The following SHANK2 variants were observed in gnomAD, a reference collection of about 807,000 sequenced individuals.
SHANK2 encodes the protein SH3 and multiple ankyrin repeat domains 2.
SHANK2 carries 43 observed loss-of-function variants against 133.7 expected under a neutral mutation model. The observed-to-expected ratio is 0.32, with a 90% CI of 0.25 to 0.41. The LOEUF is 0.41. Ranked by LOEUF, SHANK2 falls within the 10% of genes least tolerant of loss-of-function variation. The pLI is 1.00. For missense variants in SHANK2, 1,994 were observed against 2,235.8 expected (o/e 0.89, Z 2.18); for synonymous variants, 1,017 against 952.8 (o/e 1.07, Z -1.24).
At chr11:70,641,282 A>G (rs1226657374) in intron 17 of SHANK2, among the ~76,000 whole-genome samples, 4 of 151,946 alleles carry the variant, frequency 2.6e-5, no homozygotes, top group African/African-American at 4.8e-5. Context: ...ATTAGTAGAG[A>G]TGGGGTTTCA....
intron 10 of SHANK2, among the ~76,000 whole-genome samples, chr11:70,939,422 G>A (rs1950615175): frequency 6.6e-6 from 1 of 152,146 alleles, no homozygotes; most frequent in South Asian, 2.1e-4. Flanking sequence ...AGGTTGCAGT[G>A]AGCCGAGATT....
intron 17 of SHANK2, among the ~76,000 whole-genome samples, chr11:70,545,421 C>A (rs1022906386): frequency 6.6e-6 from 1 of 152,146 alleles, no homozygotes; most frequent in Non-Finnish European, 1.5e-5. Flanking sequence ...GTCAGGGCAG[C>A]TCTGGGAGGC....
intron 17 of SHANK2, among the ~76,000 whole-genome samples, chr11:70,648,169 A>C (rs2061291693): frequency 6.6e-6 from 1 of 152,208 alleles, no homozygotes; most frequent in East Asian, 1.9e-4. Flanking sequence ...CTAGAGCATG[A>C]TTCTGTGGGT....
chr11:70,879,278 C>A (rs782266676), intron 11 of SHANK2, among the ~76,000 whole-genome samples: 4 of 152,238 alleles, frequency 2.6e-5, no homozygotes, highest in Non-Finnish European at 5.9e-5. Context: ...AACGTCTTTT[C>A]ACTTATGCTT....
At chr11:70,685,163 C>A (rs967266774) in intron 15 of SHANK2, among the ~76,000 whole-genome samples, 15 of 152,030 alleles carry the variant, frequency 9.9e-5, no homozygotes, top group African/African-American at 3.4e-4. Flanking sequence ...AAAAAACCCC[C>A]AAAAAACAAA....
chr11:70,646,816 TA>T (rs1312556810), intron 17 of SHANK2, among the ~76,000 whole-genome samples: 1 of 127,344 alleles, frequency 7.9e-6, no homozygotes, highest in Non-Finnish European at 1.7e-5. Context: ...AAAAGGAATC[TA>T]ACTTTTATTT....
At position 70,472,013 on chromosome 11, in the gene SHANK2, C is replaced by G. The variant is rs948432522; in HGVS notation, c.*856G>C. 6.6e-6 allele frequency: 1 copy of G among 152,640 alleles called. No homozygotes were observed. 9.5% of individuals were successfully genotyped at this position (152,640 alleles called of 1,614,324 possible). On this transcript the variant is annotated 3_prime_UTR_variant, in exon 26 of 26. Coordinates refer to ENST00000601538, the MANE Select transcript of SHANK2 (RefSeq NM_012309.5). This position sits in a 1 kb window ranked among gnomAD's most constrained non-coding sequence, Gnocchi z 4.4. ...TGGGTGCTCATGGCAGACAACTGCT[C>G]TTGTCCTGGAGACCTGGAGCTTGGG...
At chr11:71,102,608 T>C (rs1013995133) in intron 6 of SHANK2, among the ~76,000 whole-genome samples, 1 of 152,168 alleles carries the variant, frequency 6.6e-6, no homozygotes, top group Non-Finnish European at 1.5e-5. Flanking sequence ...AAATATGGGA[T>C]GGGAACATGC....
intron 5 of SHANK2, among the ~76,000 whole-genome samples, chr11:71,111,894 C>T (rs782623960): frequency 2.0e-5 from 3 of 152,166 alleles, no homozygotes; most frequent in South Asian, 2.1e-4. Context: ...GTCTGAATAC[C>T]GCTTTCCAGG....
chr11:70,615,485 G>T (rs12225113), intron 17 of SHANK2, among the ~76,000 whole-genome samples: 57,032 of 151,930 alleles, frequency 0.38, 10,966 homozygotes, highest in Middle Eastern at 0.47. Flanking sequence ...AAAGTCATAT[G>T]GCCCCGGGGT....
chr11:70,940,314 T>G lies in SHANK2; in HGVS notation c.1108-43747A>C, dbSNP rs1555084198. Among the ~76,000 whole-genome samples the G allele has an allele frequency of 2.1e-5, 3 of 140,330 alleles. No homozygotes were observed. In the Admixed American group the frequency reaches 2.2e-4, roughly 10 times the overall value. 92.1% of individuals were successfully genotyped at this position (140,330 alleles called of 152,430 possible). ...CAGGCTGGAGTGCAGTGGCGCGATCTCGGCTTACTGCAACCTCTGCCTCCT... is the reference window on the plus strand; with the variant it reads ...CAGGCTGGAGTGCAGTGGCGCGATCGCGGCTTACTGCAACCTCTGCCTCCT... On this transcript the variant is annotated intron_variant, in intron 10 of 25. Transcript: ENST00000601538.
chr11:71,075,559 C>T (rs1334268306), intron 8 of SHANK2, among the ~76,000 whole-genome samples: 3 of 152,190 alleles, frequency 2.0e-5, no homozygotes, highest in Admixed American at 6.5e-5. Context: ...CCCAAAGTCC[C>T]TTCCATCCTG....
chr11:71,120,090 G>A (rs567744748), intron 3 of SHANK2, among the ~76,000 whole-genome samples: 46 of 152,274 alleles, frequency 3.0e-4, no homozygotes, highest in African/African-American at 1.1e-3. Context: ...TTTTTGCAAA[G>A]TTAAATAGTG....
At chr11:71,185,649 G>A (rs554270449) in intron 2 of SHANK2, among the ~76,000 whole-genome samples, 36 of 152,268 alleles carry the variant, frequency 2.4e-4, no homozygotes, top group Non-Finnish European at 4.4e-4. Context: ...TTCTCCTGTT[G>A]ACTGACATGG....
chr11:70,722,633 T>A (rs1946095826), intron 14 of SHANK2, among the ~76,000 whole-genome samples: 1 of 152,174 alleles, frequency 6.6e-6, no homozygotes, highest in Non-Finnish European at 1.5e-5. Flanking sequence ...TGCACATCAT[T>A]GTTTGAAAAA....
Position 70,804,864 on chromosome 11 carries a change from G to A in SHANK2, c.1663+2138C>T, listed in dbSNP as rs72937509. Among the ~76,000 whole-genome samples, 14,112 of 152,146 alleles carry A rather than the reference G, an allele frequency of 0.093. 879 individuals are homozygous for A. Among genetic ancestry groups the A allele is most frequent in the Non-Finnish European group, 0.13 (9,024 of 67,982 alleles). ...GGATCCACTGATGGGGCTCATCACCGGCTCCCCCTCTCCCTTGAGCTCCTG... is the reference window on the plus strand; with the variant it reads ...GGATCCACTGATGGGGCTCATCACCAGCTCCCCCTCTCCCTTGAGCTCCTG... On this transcript the variant is annotated intron_variant, in intron 13 of 25. Coordinates refer to ENST00000601538, the MANE Select transcript of SHANK2 (RefSeq NM_012309.5). The surrounding 1 kb of genome is among the most constrained non-coding windows in gnomAD (Gnocchi z 4.1).
At chr11:71,214,747 G>A (rs1954367613) in intron 2 of SHANK2, among the ~76,000 whole-genome samples, 1 of 152,134 alleles carries the variant, frequency 6.6e-6, no homozygotes, top group African/African-American at 2.4e-5. Flanking sequence ...CCTCTGGGGT[G>A]GGGTATCGCG....
At chr11:70,567,771 T>C (rs1479456921) in intron 17 of SHANK2, among the ~76,000 whole-genome samples, 7 of 152,188 alleles carry the variant, frequency 4.6e-5, no homozygotes, top group Non-Finnish European at 8.8e-5. Context: ...CTTGGACTTC[T>C]GGACTCCAGA....
intron 8 of SHANK2, among the ~76,000 whole-genome samples, chr11:71,083,979 TG>T (rs1223657362): frequency 1.5e-4 from 22 of 147,806 alleles, no homozygotes; most frequent in African/African-American, 5.3e-4. Flanking sequence ...AACTTTTTTT[TG>T]GGGGGGGGAG....
Sources: gnomAD v4.1 joint callset for allele counts (sites outside exome capture counted in the v4.1 genomes callset) on GRCh38, gnomAD v4.1.1 for gene constraint, Gnocchi (gnomAD v3.1) non-coding constraint, MANE v1.5 for transcripts, NCBI Gene and HGNC (gene_info 2026-07-23, HGNC 2026-07-21) for gene names.